GLRX5: variants seen among roughly 807,000 people sequenced by gnomAD.
GLRX5 encodes glutaredoxin-related protein 5, mitochondrial.
In GLRX5, 10 loss-of-function variants were observed where a neutral mutation model predicts 13.8. The ratio of observed to expected loss-of-function variants is 0.72; its 90% CI spans 0.45 to 1.23. GLRX5 has a LOEUF of 1.23. GLRX5 is among the 50% of genes most tolerant of loss of function. GLRX5 has a pLI of 0.00. For synonymous variants in GLRX5, 98 were observed against 101.1 expected (o/e 0.97, Z 0.18); for missense variants, 233 against 215.2 (o/e 1.08, Z -0.52).
chr14:95,539,724 C>T (rs1036883693), intron 1 of GLRX5, among the ~76,000 whole-genome samples: 19 of 152,052 alleles, frequency 1.2e-4, no homozygotes, highest in African/African-American at 4.1e-4. Context: ...CTGTGAGTTT[C>T]GGTAAGTTAC....
At chr14:95,543,428 G>T in intron 1 of GLRX5, 1 of 319,996 alleles carries the variant, frequency 3.1e-6, no homozygotes, top group Non-Finnish European at 6.2e-6. Flanking sequence ...GTCATGAAAA[G>T]TGCACAGGTG....
In GLRX5 at chr14:95,544,110, C is replaced by A. The variant is rs372534189; in HGVS notation, c.459C>A (p.Asp153Glu). The A allele has an allele frequency of 1.2e-6, 2 of 1,613,998 alleles. No homozygotes were observed. The highest frequency in any genetic ancestry group is 1.7e-6 in the Non-Finnish European group (2 of 1,179,902). Reference sequence around the variant, plus strand: ...CCGCCCTTTTAGATGAAAAGAAAGACCAAGACTCCAAGTGAGGGCGGCCAA... The same window carrying A: ...CCGCCCTTTTAGATGAAAAGAAAGAACAAGACTCCAAGTGAGGGCGGCCAA... The part of the protein sequence containing the change: ...IHSALLDEKK[D>E]QDSK The change falls in exon 2 of 2, where the codon GAC becomes GAA. Residue 153 changes from aspartate (D) to glutamate (E), a missense_variant. By Grantham distance (45) the Asp-to-Glu change is conservative. Coordinates refer to ENST00000331334, the MANE Select transcript of GLRX5 (RefSeq NM_016417.3).
rs144905768 is a variant in GLRX5 at position 95,536,877 on chromosome 14, G to T, written c.295+1493G>T. ...TTGAGTTGAGGAGTCGAGAGGGCAG[G>T]TTCAAATTACCACGTATATGTAATA... On this transcript the variant is annotated intron_variant, in intron 1 of 1. Coordinates refer to ENST00000331334, the MANE Select transcript of GLRX5 (RefSeq NM_016417.3). Among the ~76,000 whole-genome samples, 5 of 152,250 alleles carry T rather than the reference G, an allele frequency of 3.3e-5. No individual in the cohort carries two copies. In the East Asian group the frequency reaches 7.7e-4, roughly 23 times the overall value.
rs1395253765 is a variant in GLRX5, at chr14:95,535,198, G to A, written c.109G>A (p.Gly37Ser). ...PGVRAAGSGA[G>S]GGGSAEQLDA... ...CGTGCGGGCGGCGGGCTCGGGCGCG[G>A]GCGGCGGCGGCTCGGCGGAGCAGTT... The change falls in exon 1 of 2, where the codon GGC (glycine) becomes AGC (serine). Residue 37 changes from glycine (G) to serine (S), a missense_variant. Gly to Ser is a moderately conservative substitution (Grantham distance 56, BLOSUM62 0). Coordinates refer to ENST00000331334, the MANE Select transcript of GLRX5 (RefSeq NM_016417.3). 3.3e-6 allele frequency: 5 copies of A among 1,501,710 alleles called. No individual in the cohort carries two copies. Among genetic ancestry groups the A allele is most frequent in the South Asian group, 1.3e-5 (1 of 79,364 alleles). 93.0% of individuals were successfully genotyped at this position (1,501,710 alleles called of 1,614,324 possible). A position where few individuals can be genotyped will look rare whatever the true frequency, so the allele number is the denominator to read the frequency against.
chr14:95,536,107 G>GGCT (rs1891373129), intron 1 of GLRX5, among the ~76,000 whole-genome samples: 2 of 152,238 alleles, frequency 1.3e-5, no homozygotes, highest in East Asian at 3.8e-4. Flanking sequence ...AAGCAGCCCT[G>GGCT]GCTCCTGGGC....
At position 95,535,099 on chromosome 14, in the gene GLRX5, TC is replaced by T; in HGVS notation, c.13del (p.Leu5SerfsTer45). Reference sequence around the variant, plus strand: ...CGGCTTGCGTGCGGAGATGAGCGGGTCCCTCGGCCGAGCTGCGGCGGCTCTG... The same window carrying T: ...CGGCTTGCGTGCGGAGATGAGCGGGTCCTCGGCCGAGCTGCGGCGGCTCTG... Reference protein sequence around the residue: MSGSLGRAAAALLR... With the variant: MSGXLGRAAAALLR... On this transcript the variant is annotated frameshift_variant, in exon 1 of 2. Coordinates refer to ENST00000331334, the MANE Select transcript of GLRX5 (RefSeq NM_016417.3). LOFTEE classifies it high-confidence loss of function. 7.6e-7 allele frequency: 1 copy of T among 1,316,376 alleles called. No homozygotes were observed. 81.5% of individuals were successfully genotyped at this position (1,316,376 alleles called of 1,614,324 possible).
At chr14:95,536,625 T>C (rs1891385982) in intron 1 of GLRX5, among the ~76,000 whole-genome samples, 2 of 152,192 alleles carry the variant, frequency 1.3e-5, no homozygotes, top group African/African-American at 4.8e-5. Flanking sequence ...AATGAGACAA[T>C]TTGGCAAAGT....
intron 1 of GLRX5, among the ~76,000 whole-genome samples, chr14:95,535,778 G>C (rs1041895221): frequency 5.6e-4 from 85 of 152,196 alleles, no homozygotes; most frequent in Admixed American, 5.1e-3. Context: ...CTGTGAGATA[G>C]GTACTTTCGC....
At chr14:95,537,782 C>G (rs1891405640) in intron 1 of GLRX5, among the ~76,000 whole-genome samples, 1 of 152,214 alleles carries the variant, frequency 6.6e-6, no homozygotes, top group Non-Finnish European at 1.5e-5. Flanking sequence ...GTTTTGAGTA[C>G]TGGGTTCCCA....
intron 1 of GLRX5, among the ~76,000 whole-genome samples, chr14:95,536,134 G>GGCTC (rs1595280914): frequency 6.6e-6 from 1 of 152,322 alleles, no homozygotes; most frequent in East Asian, 1.9e-4. Context: ...CTAACTCACT[G>GGCTC]GCTCAGCCTT....
intron 1 of GLRX5, among the ~76,000 whole-genome samples, chr14:95,535,646 C>T (rs182664765): frequency 2.2e-4 from 34 of 152,312 alleles, no homozygotes; most frequent in African/African-American, 7.7e-4. Context: ...CCTAAAGGTT[C>T]ACTTATCCTC....
intron 1 of GLRX5, among the ~76,000 whole-genome samples, chr14:95,537,361 C>T (rs1891398786): frequency 6.6e-6 from 1 of 152,222 alleles, no homozygotes; most frequent in Non-Finnish European, 1.5e-5. Context: ...GAATTTAACC[C>T]TTACATTCCT....
chr14:95,536,146 G>A (rs994995518), intron 1 of GLRX5, among the ~76,000 whole-genome samples: 1 of 152,192 alleles, frequency 6.6e-6, no homozygotes, highest in Non-Finnish European at 1.5e-5. Flanking sequence ...CTCAGCCTTG[G>A]AGCCCAGGGG....
intron 1 of GLRX5, among the ~76,000 whole-genome samples, chr14:95,536,358 A>T (rs917198101): frequency 2.0e-5 from 3 of 152,196 alleles, no homozygotes; most frequent in African/African-American, 7.2e-5. Flanking sequence ...TTCCTTCTAG[A>T]GAGTGACTTA....
At chr14:95,540,597 A>C (rs1215706007) in intron 1 of GLRX5, among the ~76,000 whole-genome samples, 7 of 152,254 alleles carry the variant, frequency 4.6e-5, no homozygotes. Flanking sequence ...TTCAGCTCAG[A>C]TCATCTTATC....
At chr14:95,537,716 C>G (rs1420425386) in intron 1 of GLRX5, among the ~76,000 whole-genome samples, 1 of 152,322 alleles carries the variant, frequency 6.6e-6, no homozygotes, top group East Asian at 1.9e-4. Flanking sequence ...GGTTCTTATG[C>G]CAAGGAGACC....
At chr14:95,537,498 AG>A (rs1235758534) in intron 1 of GLRX5, among the ~76,000 whole-genome samples, 1 of 152,258 alleles carries the variant, frequency 6.6e-6, no homozygotes, top group Non-Finnish European at 1.5e-5. Context: ...TGGACTGGGC[AG>A]GGTGGTAAAA....
chr14:95,540,594 C>T (rs1891458248), intron 1 of GLRX5, among the ~76,000 whole-genome samples: 1 of 152,136 alleles, frequency 6.6e-6, no homozygotes, highest in Non-Finnish European at 1.5e-5. Flanking sequence ...GCTTTCAGCT[C>T]AGATCATCTT....
At chr14:95,543,893 T>C (rs564135768) in intron 1 of GLRX5, 54 bp from the exon 2 acceptor site, 1 of 1,487,708 alleles carries the variant, frequency 6.7e-7, no homozygotes, top group South Asian at 1.1e-5. Context: ...TATTTAGTCA[T>C]GAATGGTTCA....
Sources: gnomAD v4.1 joint callset for allele counts (sites outside exome capture counted in the v4.1 genomes callset) on GRCh38, gnomAD v4.1.1 for gene constraint, MANE v1.5 for transcripts, NCBI Gene and HGNC (gene_info 2026-07-23, HGNC 2026-07-21) for gene names.